MAP2: variants seen among roughly 807,000 people sequenced by gnomAD.
MAP2 encodes microtubule associated protein 2.
In MAP2, 14 loss-of-function variants were observed where a neutral mutation model predicts 137.6. The ratio of observed to expected loss-of-function variants is 0.10; its 90% CI spans 0.07 to 0.16. MAP2 has a LOEUF of 0.16. Ranked by LOEUF, MAP2 falls within the 10% of genes least tolerant of loss-of-function variation. The pLI is 1.00. For missense variants in MAP2, 2,088 were observed against 2,191.5 expected (o/e 0.95, Z 0.94); for synonymous variants, 786 against 782.3 (o/e 1.00, Z -0.08).
At chr2:209,656,728 TA>T (rs1306645404) in intron 5 of MAP2, among the ~76,000 whole-genome samples, 1 of 152,070 alleles carries the variant, frequency 6.6e-6, no homozygotes, top group African/African-American at 2.4e-5. Context: ...GCTGTCGTTA[TA>T]ATAAGTCTAA....
intron 1 of MAP2, among the ~76,000 whole-genome samples, chr2:209,446,685 C>A (rs1699144850): frequency 6.6e-6 from 1 of 151,794 alleles, no homozygotes; most frequent in African/African-American, 2.4e-5. Context: ...CTCCCCACCC[C>A]ATTTTGAATA....
chr2:209,552,796 G>A (rs1345540090), intron 2 of MAP2, among the ~76,000 whole-genome samples: 1 of 152,032 alleles, frequency 6.6e-6, no homozygotes, highest in Non-Finnish European at 1.5e-5. Flanking sequence ...GGGAGGCAGG[G>A]GTTGTGCTGA....
intron 2 of MAP2, among the ~76,000 whole-genome samples, chr2:209,533,003 T>C (rs1350458669): frequency 6.6e-6 from 1 of 152,098 alleles, no homozygotes; most frequent in Non-Finnish European, 1.5e-5. Flanking sequence ...TTTCTTCAAG[T>C]GGTCCGCACT....
intron 7 of MAP2, among the ~76,000 whole-genome samples, chr2:209,685,725 A>G (rs1025854572): frequency 1.3e-5 from 2 of 152,184 alleles, no homozygotes. Context: ...AGTTTTCAGA[A>G]TAGAAAATAC....
intron 3 of MAP2, among the ~76,000 whole-genome samples, chr2:209,622,249 T>C (rs553963616): frequency 3.6e-4 from 55 of 152,310 alleles, no homozygotes; most frequent in Non-Finnish European, 4.4e-4. Context: ...TTGTAGGTAA[T>C]TCTAGTAAAT....
chr2:209,462,491 C>T (rs1703063540), intron 1 of MAP2, among the ~76,000 whole-genome samples: 3 of 152,132 alleles, frequency 2.0e-5, no homozygotes, highest in Non-Finnish European at 4.4e-5. Flanking sequence ...CCTTTTCAGG[C>T]ATGTACACTA....
chr2:209,657,668 C>A (rs1482581053), intron 5 of MAP2, among the ~76,000 whole-genome samples: 1 of 151,638 alleles, frequency 6.6e-6, no homozygotes, highest in Non-Finnish European at 1.5e-5. Context: ...CTTAGTCCTT[C>A]GTTGGATGCA....
chr2:209,597,252 A>C (rs2081525482), intron 3 of MAP2, among the ~76,000 whole-genome samples: 1 of 152,142 alleles, frequency 6.6e-6, no homozygotes, highest in Non-Finnish European at 1.5e-5. Flanking sequence ...TTACAGCCAA[A>C]CTTAATCATC....
intron 3 of MAP2, among the ~76,000 whole-genome samples, chr2:209,619,152 G>T (rs927038078): frequency 6.6e-6 from 1 of 152,084 alleles, no homozygotes; most frequent in Non-Finnish European, 1.5e-5. Flanking sequence ...GGGAGATGTT[G>T]CTCAAAGATA....
chr2:209,654,755 A>G (rs1189830285), intron 5 of MAP2, among the ~76,000 whole-genome samples: 1 of 152,188 alleles, frequency 6.6e-6, no homozygotes, highest in Non-Finnish European at 1.5e-5. Context: ...GGAAGAAAAG[A>G]GTTAGTATGA....
chr2:209,506,265 C>T (rs1277491952), intron 1 of MAP2, among the ~76,000 whole-genome samples: 1 of 152,102 alleles, frequency 6.6e-6, no homozygotes, highest in Non-Finnish European at 1.5e-5. Flanking sequence ...AACACCTGCC[C>T]TTAGGATTAA....
chr2:209,548,280 G>A (rs1306678435), intron 2 of MAP2, among the ~76,000 whole-genome samples: 1 of 152,154 alleles, frequency 6.6e-6, no homozygotes, highest in African/African-American at 2.4e-5. Context: ...GGAAAATGGG[G>A]AGTTCCACAA....
intron 2 of MAP2, among the ~76,000 whole-genome samples, chr2:209,513,610 C>T (rs1337829160): frequency 6.6e-6 from 1 of 151,802 alleles, no homozygotes; most frequent in Non-Finnish European, 1.5e-5. Flanking sequence ...TCTCTCGGCC[C>T]CCTATCTTTC....
intron 1 of MAP2, among the ~76,000 whole-genome samples, chr2:209,452,262 G>A (rs1032472677): frequency 6.6e-5 from 10 of 152,086 alleles, no homozygotes; most frequent in Admixed American, 2.6e-4. Flanking sequence ...TGACCTATAT[G>A]CAAATACTAA....
chr2:209,633,974 G>A (rs1017512240), intron 4 of MAP2, among the ~76,000 whole-genome samples: 2 of 152,162 alleles, frequency 1.3e-5, no homozygotes, highest in Non-Finnish European at 2.9e-5. Context: ...AAGATTCCCT[G>A]AATGTGTTTG....
At chr2:209,458,581 G>A (rs1244171627) in intron 1 of MAP2, among the ~76,000 whole-genome samples, 1 of 152,164 alleles carries the variant, frequency 6.6e-6, no homozygotes, top group Non-Finnish European at 1.5e-5. Context: ...AAAGGGGATG[G>A]TCACTGTATT....
intron 14 of MAP2, among the ~76,000 whole-genome samples, chr2:209,726,081 A>G (rs1244654988): frequency 6.6e-6 from 1 of 152,206 alleles, no homozygotes; most frequent in Non-Finnish European, 1.5e-5. Flanking sequence ...TGAAATACGT[A>G]GTCTATAAAA....
intron 3 of MAP2, among the ~76,000 whole-genome samples, chr2:209,602,293 T>TA: frequency 6.6e-6 from 1 of 152,248 alleles, no homozygotes; most frequent in Non-Finnish European, 1.5e-5. Context: ...AAGACAAATG[T>TA]AAAAACTATT....
intron 7 of MAP2, among the ~76,000 whole-genome samples, chr2:209,685,881 T>A (rs1440386784): frequency 6.6e-6 from 1 of 152,196 alleles, no homozygotes; most frequent in Non-Finnish European, 1.5e-5. Context: ...GTATTGCCTT[T>A]ACTCTCAGCT....
Sources: gnomAD v4.1 joint callset for allele counts (sites outside exome capture counted in the v4.1 genomes callset) on GRCh38, gnomAD v4.1.1 for gene constraint, MANE v1.5 for transcripts, NCBI Gene and HGNC (gene_info 2026-07-23, HGNC 2026-07-21) for gene names.